Variants in DNPEP observed in about 807,000 individuals in gnomAD.
The protein encoded by DNPEP is aspartyl aminopeptidase.
Under a neutral mutation model 59.1 loss-of-function variants are expected in DNPEP, and 46 were observed. The ratio of observed to expected loss-of-function variants is 0.78; its 90% CI spans 0.61 to 0.99. DNPEP has a LOEUF of 0.99. DNPEP is among the 50% of genes least tolerant of loss of function. The pLI is 0.00. For synonymous variants in DNPEP, 229 were observed against 242.2 expected (o/e 0.95, Z 0.50); for missense variants, 617 against 649.9 (o/e 0.95, Z 0.55).
At chr2:219,398,474 AC>A (rs1205561044) in intron 1 of DNPEP, among the ~76,000 whole-genome samples, 2 of 152,156 alleles carry the variant, frequency 1.3e-5, no homozygotes, top group Non-Finnish European at 2.9e-5. Context: ...ACATGGTGAA[AC>A]CCTGTCTCTA....
At chr2:219,399,634 A>T in intron 1 of DNPEP, 1 of 631,754 alleles carries the variant, frequency 1.6e-6, no homozygotes. Context: ...GGCACCAGAC[A>T]GGGTTGTTTG....
chr2:219,399,008 G>A (rs1954143247), intron 1 of DNPEP, among the ~76,000 whole-genome samples: 1 of 152,232 alleles, frequency 6.6e-6, no homozygotes, highest in Non-Finnish European at 1.5e-5. Context: ...TTTACTTTCA[G>A]TTCGTATTTC....
chr2:219,399,125 C>G (rs1258426818), intron 1 of DNPEP, among the ~76,000 whole-genome samples: 3 of 152,194 alleles, frequency 2.0e-5, no homozygotes, highest in African/African-American at 7.2e-5. Flanking sequence ...TCTGTGTCTG[C>G]TATTTTAATG....
chr2:219,399,858 C>G (rs1954158238), intron 1 of DNPEP: 2 of 1,550,090 alleles, frequency 1.3e-6, no homozygotes, highest in Non-Finnish European at 1.7e-6. Flanking sequence ...TAGACAGGCC[C>G]CGGTTACCTT....
chr2:219,385,371 TG>T (rs1559338542), intron 8 of DNPEP, 52 bp downstream of exon 8: 1 of 1,276,808 alleles, frequency 7.8e-7, no homozygotes, highest in Non-Finnish European at 1.1e-6. Context: ...GGGCTAGGGG[TG>T]GCCAGGATCC....
At chr2:219,386,855 G>A in intron 3 of DNPEP, 37 bp downstream of exon 3, 1 of 1,610,946 alleles carries the variant, frequency 6.2e-7, no homozygotes, top group South Asian at 1.1e-5. Flanking sequence ...GACCAGCCTA[G>A]GGACCTGCCT....
rs769815891 is a variant in DNPEP, at chr2:219,381,448, C to T, written c.1138-12G>A. ...TTGATCACGGGGCCCTGGGGAGAGT[C>T]AAGGTGAGGCAGAGGTAATGACAGG... is the stretch of plus-strand genomic sequence containing the variant. On this transcript the variant is annotated splice_polypyrimidine_tract_variant and intron_variant, in intron 12 of 14. Coordinates refer to ENST00000273075, the MANE Select transcript of DNPEP (RefSeq NM_012100.4). 5 of 1,614,184 alleles carry T rather than the reference C, an allele frequency of 3.1e-6. No homozygotes were observed. Among genetic ancestry groups the T allele is most frequent in the South Asian group, 2.2e-5 (2 of 91,082 alleles).
chr2:219,376,913 G>A (rs941708949), intron 13 of DNPEP, among the ~76,000 whole-genome samples: 3 of 152,086 alleles, frequency 2.0e-5, no homozygotes, highest in Non-Finnish European at 4.4e-5. Flanking sequence ...AAGGCTAAGG[G>A]TGGCCCACCC....
At chr2:219,379,486 C>T (rs112925723) in intron 13 of DNPEP, among the ~76,000 whole-genome samples, 15 of 151,242 alleles carry the variant, frequency 9.9e-5, no homozygotes, top group African/African-American at 3.2e-4. Flanking sequence ...TTAAAAATAA[C>T]GAAAAATTTT....
At chr2:219,382,719 G>A (rs1953651584) in intron 10 of DNPEP, among the ~76,000 whole-genome samples, 1 of 152,194 alleles carries the variant, frequency 6.6e-6, no homozygotes, top group South Asian at 2.1e-4. Flanking sequence ...ATGTGTTCAG[G>A]ACGGCAGGGA....
intron 8 of DNPEP, chr2:219,384,936 C>T (rs1953747600): frequency 6.1e-6 from 1 of 163,196 alleles, no homozygotes; most frequent in Admixed American, 6.0e-5. Flanking sequence ...TTGACCTCTT[C>T]CTGTGGGTCA....
At position 219,386,273 on chromosome 2, in the gene DNPEP, C is replaced by A; in HGVS notation, c.459+13G>T. 1 of 1,614,164 alleles carries A rather than the reference C, an allele frequency of 6.2e-7. No individual in the cohort carries two copies. The highest frequency in any genetic ancestry group is 1.1e-5 in the South Asian group (1 of 91,084). On this transcript the variant is annotated intron_variant, in intron 5 of 14. Transcript: ENST00000273075. ...TCTGAGGAGGCTCCGCCATCCCCAA[C>A]CTCGGTTCCCACCTTGACAATGACG...
chr2:219,380,917 T>C (rs80167757), intron 13 of DNPEP, among the ~76,000 whole-genome samples: 4,279 of 150,626 alleles, frequency 0.028, 199 homozygotes, highest in African/African-American at 0.096. Flanking sequence ...AATGAGTAGT[T>C]GGAGTTCCAT....
At position 219,385,060 on chromosome 2, in the gene DNPEP, A is replaced by C. The variant is rs887119715; in HGVS notation, c.774+364T>G. The C allele has an allele frequency of 2.8e-5, 6 of 212,832 alleles. No homozygotes were observed. The East Asian group carries it at 6.6e-4, about 23-fold the overall frequency. 13.2% of individuals were successfully genotyped at this position (212,832 alleles called of 1,614,324 possible). On this transcript the variant is annotated intron_variant, in intron 8 of 14. Coordinates refer to ENST00000273075, the MANE Select transcript of DNPEP (RefSeq NM_012100.4). ...AGCAGGACACAGCATCCAAAGATTT[A>C]GCAATCTCTGACCATCAGCAACCGG... is the stretch of plus-strand genomic sequence containing the variant.
At chr2:219,392,775 G>T (rs997075968), upstream of DNPEP, among the ~76,000 whole-genome samples, 1 of 152,306 alleles carries the variant, frequency 6.6e-6, no homozygotes, top group Non-Finnish European at 1.5e-5. Flanking sequence ...CTCCCAAAGT[G>T]CTGGGATTAC....
intron 1 of DNPEP, 110 bp from the exon 2 acceptor site, chr2:219,387,273 C>A: frequency 2.7e-6 from 4 of 1,471,140 alleles, no homozygotes; most frequent in Non-Finnish European, 3.6e-6. Context: ...CTCTAAGGCA[C>A]AGACCTCTGC....
At chr2:219,391,011 A>G (rs1324498258), upstream of DNPEP, among the ~76,000 whole-genome samples, 1 of 152,182 alleles carries the variant, frequency 6.6e-6, no homozygotes, top group Non-Finnish European at 1.5e-5. Flanking sequence ...CTTTTCAACA[A>G]CCTGTTCCAG....
chr2:219,394,618 T>G (rs1054287116), intron 1 of DNPEP, among the ~76,000 whole-genome samples: 1 of 152,122 alleles, frequency 6.6e-6, no homozygotes, highest in Non-Finnish European at 1.5e-5. Flanking sequence ...GCTCAGTGCT[T>G]AGAAATCTCT....
At chr2:219,389,676 A>C (rs1193492443), upstream of DNPEP, among the ~76,000 whole-genome samples, 1 of 151,992 alleles carries the variant, frequency 6.6e-6, no homozygotes, top group African/African-American at 2.4e-5. Context: ...CAAAAAATAC[A>C]AAAATTAGCC....
Sources: allele counts gnomAD v4.1 joint callset (sites outside exome capture counted in the v4.1 genomes callset), GRCh38; gene constraint gnomAD v4.1.1; transcripts MANE v1.5; gene names NCBI Gene and HGNC (gene_info 2026-07-23, HGNC 2026-07-21).